MAP4K3: variants seen among roughly 807,000 people sequenced by gnomAD.
The protein encoded by MAP4K3 is MAPK/ERK kinase kinase kinase 3.
A neutral mutation model predicts 143.5 loss-of-function variants in MAP4K3; 94 were observed. The observed-to-expected ratio is 0.65, with a 90% confidence interval of 0.55 to 0.78. The LOEUF (loss-of-function observed/expected upper bound fraction) is 0.78, where lower values mean the gene tolerates loss of function less well. Ranked by LOEUF, MAP4K3 falls within the 30% of genes least tolerant of loss-of-function variation. The pLI, the probability that MAP4K3 is intolerant of heterozygous loss-of-function variation, is 0.00. For missense variants in MAP4K3, 1,077 were observed against 1,068.1 expected, an observed-to-expected ratio of 1.01 and a Z score of -0.12; for synonymous variants, 416 against 347.2, an observed-to-expected ratio of 1.20 and a Z score of -2.20.
In MAP4K3 at chr2:39,326,173, G is replaced by A; in HGVS notation, c.635C>T (p.Pro212Leu). Residue 212 changes from proline (P) to leucine (L), a missense_variant, in exon 9 of 34, where the codon CCT (proline) becomes CTT (leucine). Coordinates refer to ENST00000263881, the MANE Select transcript of MAP4K3 (RefSeq NM_003618.4). Reference protein sequence around the residue: ...ITAIELAELQPPMFDLHPMRA... With the variant: ...ITAIELAELQLPMFDLHPMRA... ...CATTGGGTGTAAGTCAAACATAGGA[G>A]GCTGAAGCTCTGCAAGTTCTATGGC... The A allele has an allele frequency of 6.2e-7, 1 of 1,613,824 alleles. No individual in the cohort carries two copies. The highest frequency in any genetic ancestry group is 8.5e-7 in the Non-Finnish European group (1 of 1,179,892).
chr2:39,308,573 A>C (rs187880169), intron 14 of MAP4K3, among the ~76,000 whole-genome samples: 19 of 152,278 alleles, frequency 1.2e-4, no homozygotes, highest in Non-Finnish European at 2.9e-5. Flanking sequence ...ATAGCAAATA[A>C]AAAAATGAAA....
At chr2:39,403,518 C>T (rs548529385) in intron 1 of MAP4K3, among the ~76,000 whole-genome samples, 1 of 152,150 alleles carries the variant, frequency 6.6e-6, no homozygotes, top group East Asian at 1.9e-4. Flanking sequence ...AGCTGACACC[C>T]GACCATGGAG....
intron 22 of MAP4K3, 66 bp from the exon 23 acceptor site, chr2:39,280,422 A>G: frequency 1.1e-6 from 1 of 875,924 alleles, no homozygotes; most frequent in Non-Finnish European, 1.8e-6. Context: ...TATAAAATGT[A>G]ACTATTATCT....
At position 39,413,423 on chromosome 2, in the gene MAP4K3, G is replaced by GT. The variant is rs200382194; in HGVS notation, c.96+23468dup. On this transcript the variant is annotated intron_variant, in intron 1 of 33. Transcript: ENST00000263881. ...TTAAGGCAGAAGTCTGGAAATGCCA[G>GT]TGCAGCCCAGGGGACAGACTGGGTA... Among the ~76,000 whole-genome samples, 1,228 of 152,290 alleles carry GT rather than the reference G, an allele frequency of 8.1e-3. 18 individuals are homozygous for GT. Among genetic ancestry groups the GT allele is most frequent in the African/African-American group, 0.028 (1,178 of 41,552 alleles).
Position 39,427,050 on chromosome 2 carries a change from A to G in MAP4K3, c.96+9842T>C, listed in dbSNP as rs373965281. ...AACTGTACACACCAGAATCAAAGAA[A>G]AAAATCTTAAAAGTCAAACAGGGAG... On this transcript the variant is annotated intron_variant, in intron 1 of 33. Transcript: ENST00000263881. Among the ~76,000 whole-genome samples the G allele has an allele frequency of 3.9e-5, 6 of 152,136 alleles. No individual in the cohort carries two copies. In the East Asian group the frequency reaches 1.2e-3, roughly 29 times the overall value.
intron 2 of MAP4K3, among the ~76,000 whole-genome samples, chr2:39,369,838 C>T (rs539630154): frequency 3.4e-4 from 52 of 152,284 alleles, no homozygotes; most frequent in Non-Finnish European, 5.7e-4. Context: ...TAGTCAAAGG[C>T]GGATCTTCAG....
intron 26 of MAP4K3, 127 bp downstream of exon 26, chr2:39,272,156 T>G (rs572284841): frequency 1.5e-6 from 1 of 677,954 alleles, no homozygotes; most frequent in South Asian, 2.0e-5. Context: ...TGTTAATGTA[T>G]ATTACTTATT....
intron 1 of MAP4K3, among the ~76,000 whole-genome samples, chr2:39,430,349 G>C (rs777989730): frequency 1.3e-5 from 2 of 152,008 alleles, no homozygotes; most frequent in Admixed American, 6.6e-5. Context: ...TTATTCTATA[G>C]AGTTTAAGGG....
Position 39,272,310 on chromosome 2 carries a change from T to G in MAP4K3, c.1946A>C (p.His649Pro). ...MQKLPVAIPA[H>P]KLPDRILPRK... ...TGGCAGTATTCTGTCAGGGAGTTTG[T>G]GTGCTGGAATAGCAACAGGTAACTT... Residue 649 changes from histidine (H) to proline (P), a missense_variant, in exon 26 of 34, where the codon CAC (histidine) becomes CCC (proline). By Grantham distance (77) the His-to-Pro change is moderately conservative. Around this residue, in one of 2 missense-constraint regions of MAP4K3, gnomAD observed 864 missense variants for 801.2 expected, o/e 1.08. Coordinates refer to ENST00000263881, the MANE Select transcript of MAP4K3 (RefSeq NM_003618.4). The G allele has an allele frequency of 6.2e-7, 1 of 1,613,550 alleles. No individual in the cohort carries two copies. The highest frequency in any genetic ancestry group is 8.5e-7 in the Non-Finnish European group (1 of 1,179,586).
intron 2 of MAP4K3, among the ~76,000 whole-genome samples, chr2:39,365,573 T>C (rs1417384512): frequency 6.7e-6 from 1 of 150,254 alleles, no homozygotes; most frequent in Admixed American, 6.6e-5. Context: ...GCCTCCCGAG[T>C]AGCTGGGACT....
At chr2:39,278,523 A>G (rs1681374406) in intron 23 of MAP4K3, 37 bp from the exon 24 acceptor site, 1 of 1,185,228 alleles carries the variant, frequency 8.4e-7, no homozygotes, top group Non-Finnish European at 1.2e-6. Context: ...ATTTTGGTAA[A>G]TAAAATATTT....
intron 8 of MAP4K3, among the ~76,000 whole-genome samples, chr2:39,327,711 A>AGGGAAAC (rs1198492513): frequency 1.3e-5 from 2 of 152,208 alleles, no homozygotes; most frequent in African/African-American, 4.8e-5. Flanking sequence ...TGAAAATTTA[A>AGGGAAAC]ATTACTATAA....
chr2:39,257,572 G>A (rs1173800412), intron 31 of MAP4K3, among the ~76,000 whole-genome samples: 2 of 151,962 alleles, frequency 1.3e-5, no homozygotes, highest in East Asian at 1.9e-4. Flanking sequence ...AGGCCGAGGC[G>A]GGTGGATCAC....
intron 2 of MAP4K3, among the ~76,000 whole-genome samples, chr2:39,374,828 T>A (rs543408096): frequency 6.6e-6 from 1 of 152,312 alleles, no homozygotes; most frequent in South Asian, 2.1e-4. Flanking sequence ...TTATTTTGCT[T>A]CAGGTTCAAA....
At chr2:39,285,924 T>C (rs1314723173) in intron 21 of MAP4K3, among the ~76,000 whole-genome samples, 1 of 152,348 alleles carries the variant, frequency 6.6e-6, no homozygotes, top group East Asian at 1.9e-4. Flanking sequence ...TCATCTCTTA[T>C]GATCCCTGAT....
At chr2:39,361,741 TTA>T (rs1035546948) in intron 2 of MAP4K3, among the ~76,000 whole-genome samples, 60 of 151,394 alleles carry the variant, frequency 4.0e-4, no homozygotes, top group African/African-American at 1.3e-3. Flanking sequence ...TATTATTAAA[TTA>T]TCATTTAAAA....
intron 6 of MAP4K3, among the ~76,000 whole-genome samples, chr2:39,335,117 G>A (rs561519699): frequency 6.6e-6 from 1 of 152,244 alleles, no homozygotes; most frequent in South Asian, 2.1e-4. Flanking sequence ...GAAACCTGGA[G>A]TATAAGATGA....
At chr2:39,286,679 CT>C (rs749897805) in intron 21 of MAP4K3, among the ~76,000 whole-genome samples, 172 bp downstream of exon 21, 2 of 152,014 alleles carry the variant, frequency 1.3e-5, no homozygotes, top group African/African-American at 2.4e-5. Context: ...AGCTAAGTTA[CT>C]TTTTTCAAGA....
chr2:39,250,569 G>C lies in MAP4K3; in HGVS notation c.*49C>G. On this transcript the variant is annotated 3_prime_UTR_variant, in exon 34 of 34. Transcript: ENST00000263881. Reference sequence around the variant, plus strand: ...GCTTCAAGCATCCATTAATGTTGCAGTGGTAGTGTTCTTTCTTTCTAGAGT... The same window carrying C: ...GCTTCAAGCATCCATTAATGTTGCACTGGTAGTGTTCTTTCTTTCTAGAGT... 6.6e-7 allele frequency: 1 copy of C among 1,503,940 alleles called. No homozygotes were observed. The highest frequency in any genetic ancestry group is 9.2e-7 in the Non-Finnish European group (1 of 1,082,598). 93.2% of individuals were successfully genotyped at this position (1,503,940 alleles called of 1,614,324 possible).
Sources: gnomAD v4.1 joint callset for allele counts (sites outside exome capture counted in the v4.1 genomes callset) on GRCh38, gnomAD v4.1.1 for gene constraint, gnomAD v4.1.1 regional missense constraint, MANE v1.5 for transcripts, NCBI Gene and HGNC (gene_info 2026-07-23, HGNC 2026-07-21) for gene names.